The following SLC35F3 variants were observed in gnomAD, a reference collection of about 807,000 sequenced individuals.
The protein encoded by SLC35F3 is putative thiamine transporter SLC35F3.
SLC35F3 carries 25 observed loss-of-function variants against 49.9 expected under a neutral mutation model. The observed-to-expected ratio is 0.50, with a 90% confidence interval of 0.37 to 0.70. The LOEUF is 0.70. Among genes scored for constraint, SLC35F3 ranks in the 30% least tolerant of loss-of-function variants. The probability of loss-of-function intolerance (pLI) is 0.00; values close to 1 mark genes in which losing one functional copy is unlikely to be tolerated. For missense variants in SLC35F3, 525 were observed against 639.8 expected, an observed-to-expected ratio of 0.82 and a Z score of 1.94; for synonymous variants, 275 against 265.4, an observed-to-expected ratio of 1.04 and a Z score of -0.35.
At chr1:234,264,976 C>T (rs189181729) in intron 3 of SLC35F3, among the ~76,000 whole-genome samples, 72 of 152,294 alleles carry the variant, frequency 4.7e-4, no homozygotes, top group East Asian at 4.2e-3. Flanking sequence ...CTGGTTCCTC[C>T]GGCCTCCCTG....
At chr1:234,174,626 G>A (rs1666448455) in intron 2 of SLC35F3, among the ~76,000 whole-genome samples, 1 of 152,174 alleles carries the variant, frequency 6.6e-6, no homozygotes, top group Non-Finnish European at 1.5e-5. Context: ...ACTCCACTGC[G>A]TGTATATGTA....
intron 2 of SLC35F3, among the ~76,000 whole-genome samples, chr1:233,960,417 C>T (rs1024420220): frequency 2.6e-5 from 4 of 152,278 alleles, no homozygotes; most frequent in Non-Finnish European, 5.9e-5. Flanking sequence ...CAGGTAACCC[C>T]GTGTCAGTTT....
chr1:233,969,985 C>T (rs1662966596), intron 2 of SLC35F3, among the ~76,000 whole-genome samples: 1 of 152,236 alleles, frequency 6.6e-6, no homozygotes, highest in South Asian at 2.1e-4. Context: ...CCAATGACTT[C>T]TGCTCCTGCC....
intron 2 of SLC35F3, among the ~76,000 whole-genome samples, chr1:234,174,937 A>T (rs1666453400): frequency 6.6e-6 from 1 of 152,242 alleles, no homozygotes; most frequent in East Asian, 1.9e-4. Flanking sequence ...TCTGCATCCA[A>T]CAAAGAGTTC....
At chr1:234,200,244 T>C (rs1344544147) in intron 2 of SLC35F3, among the ~76,000 whole-genome samples, 4 of 152,228 alleles carry the variant, frequency 2.6e-5, no homozygotes, top group Non-Finnish European at 5.9e-5. Context: ...TAAGCATCTT[T>C]TCATGTGTTT....
At position 234,212,252 on chromosome 1, in the gene SLC35F3, C is replaced by T. The variant is rs187010437; in HGVS notation, c.284-19165C>T. ...TGTCATTGTGACTTGCCTAGTAGAACACGTGTGTAGAGGCCAATGTGAAGT... is the reference window on the plus strand; with the variant it reads ...TGTCATTGTGACTTGCCTAGTAGAATACGTGTGTAGAGGCCAATGTGAAGT... On this transcript the variant is annotated intron_variant, in intron 2 of 7. Transcript: ENST00000366618. 5.6e-4 allele frequency among the ~76,000 whole-genome samples: 86 copies of T among 152,306 alleles called. 1 individual carries two copies. The highest frequency in any genetic ancestry group is 5.1e-3 in the Admixed American group (78 of 15,300).
Position 233,968,355 on chromosome 1 carries a change from T to A in SLC35F3, c.283+62597T>A, listed in dbSNP as rs1021621269. Among the ~76,000 whole-genome samples the A allele has an allele frequency of 4.7e-4, 72 of 152,224 alleles. 1 individual carries two copies. The highest frequency in any genetic ancestry group is 2.9e-5 in the Non-Finnish European group (2 of 68,028). Reference sequence around the variant, plus strand: ...ATCTGAAATGACCCTATTTCTTTTTTTTTCCAACTTTTATTTTAGATTCAG... The same window carrying A: ...ATCTGAAATGACCCTATTTCTTTTTATTTCCAACTTTTATTTTAGATTCAG... On this transcript the variant is annotated intron_variant, in intron 2 of 7. Coordinates refer to ENST00000366618, the MANE Select transcript of SLC35F3 (RefSeq NM_173508.4).
chr1:234,188,093 T>C, intron 2 of SLC35F3, among the ~76,000 whole-genome samples: 1 of 152,044 alleles, frequency 6.6e-6, no homozygotes. Flanking sequence ...AAAAATTAGC[T>C]GGGCATGGTG....
intron 2 of SLC35F3, among the ~76,000 whole-genome samples, chr1:234,210,701 A>G (rs549772825): frequency 2.0e-5 from 3 of 152,368 alleles, no homozygotes; most frequent in Admixed American, 6.5e-5. Flanking sequence ...AAAGGCATTC[A>G]GTTTGAAAAG....
intron 2 of SLC35F3, among the ~76,000 whole-genome samples, chr1:234,113,967 G>A (rs1665446177): frequency 6.6e-6 from 1 of 152,226 alleles, no homozygotes; most frequent in South Asian, 2.1e-4. Flanking sequence ...TATGCAATGT[G>A]TGCTGGTAAG....
At chr1:234,245,983 G>A (rs761672902) in intron 3 of SLC35F3, among the ~76,000 whole-genome samples, 1 of 152,112 alleles carries the variant, frequency 6.6e-6, no homozygotes, top group Non-Finnish European at 1.5e-5. Flanking sequence ...GGGGGAGGGG[G>A]ACATCAACTT....
At position 233,982,096 on chromosome 1, in the gene SLC35F3, T is replaced by A. The variant is rs569697639; in HGVS notation, c.283+76338T>A. Among the ~76,000 whole-genome samples, 16 of 152,284 alleles carry A rather than the reference T, an allele frequency of 1.1e-4. No homozygotes were observed. In the South Asian group the frequency reaches 2.7e-3, roughly 26 times the overall value. On this transcript the variant is annotated intron_variant, in intron 2 of 7. Coordinates refer to ENST00000366618, the MANE Select transcript of SLC35F3 (RefSeq NM_173508.4). ...TGCCACCACGCCCAACTAATTTTTT[T>A]AAATTTTTAGTAGAGATGGGGTTTT...
intron 2 of SLC35F3, among the ~76,000 whole-genome samples, chr1:233,924,479 T>G (rs1315705880): frequency 6.6e-6 from 1 of 152,246 alleles, no homozygotes; most frequent in Non-Finnish European, 1.5e-5. Context: ...TTCTGTGGGA[T>G]CGGTGGTGAT....
In SLC35F3 at chr1:234,322,950, T is replaced by G. The variant is rs563040848; in HGVS notation, c.1238-58T>G. On this transcript the variant is annotated intron_variant, in intron 7 of 7. Coordinates refer to ENST00000366618, the MANE Select transcript of SLC35F3 (RefSeq NM_173508.4). ...GGGTGCCCCCAGGCCCTGCCCACTC[T>G]CCAGGGACATGCCCCCAACCCTGCA... The G allele has an allele frequency of 6.7e-6, 10 of 1,497,270 alleles. No homozygotes were observed. In the Admixed American group the frequency reaches 1.5e-4, roughly 23 times the overall value. 92.7% of individuals were successfully genotyped at this position (1,497,270 alleles called of 1,614,324 possible). A position where few individuals can be genotyped will look rare whatever the true frequency, so the allele number is the denominator to read the frequency against.
intron 2 of SLC35F3, among the ~76,000 whole-genome samples, chr1:233,922,328 G>T (rs1370306360): frequency 1.3e-5 from 2 of 151,892 alleles, no homozygotes; most frequent in Non-Finnish European, 1.5e-5. Flanking sequence ...TTTAATGATC[G>T]CCATTCTAAC....
chr1:234,263,047 T>C (rs1667929627), intron 3 of SLC35F3, among the ~76,000 whole-genome samples: 1 of 152,084 alleles, frequency 6.6e-6, no homozygotes, highest in South Asian at 2.1e-4. Context: ...GCTGATGGGA[T>C]CACACACATA....
intron 3 of SLC35F3, among the ~76,000 whole-genome samples, chr1:234,295,200 A>C (rs1391415414): frequency 6.6e-6 from 1 of 152,266 alleles, no homozygotes; most frequent in Non-Finnish European, 1.5e-5. Context: ...AGAAAGGCCA[A>C]GGACAGCAGG....
At chr1:233,992,658 T>G (rs1170978255) in intron 2 of SLC35F3, among the ~76,000 whole-genome samples, 2 of 152,196 alleles carry the variant, frequency 1.3e-5, no homozygotes, top group Admixed American at 1.3e-4. Context: ...GCCATCACAC[T>G]GGGGATCAAA....
rs113870703 is a variant in SLC35F3 at position 234,319,149 on chromosome 1, G to A, written c.1147+206G>A. On this transcript the variant is annotated intron_variant, in intron 6 of 7. Coordinates refer to ENST00000366618, the MANE Select transcript of SLC35F3 (RefSeq NM_173508.4). ...CAGAGCCAGAATCAGTGCAGTAGTCGCAGTGGTCACTGCTGCTCTGAATAA... is the reference window on the plus strand; with the variant it reads ...CAGAGCCAGAATCAGTGCAGTAGTCACAGTGGTCACTGCTGCTCTGAATAA... 2.5e-3 allele frequency among the ~76,000 whole-genome samples: 382 copies of A among 152,284 alleles called. 1 individual carries two copies. The highest frequency in any genetic ancestry group is 4.6e-3 in the Non-Finnish European group (314 of 68,036).
Sources: gnomAD v4.1 joint callset for allele counts (sites outside exome capture counted in the v4.1 genomes callset) on GRCh38, gnomAD v4.1.1 for gene constraint, MANE v1.5 for transcripts, NCBI Gene and HGNC (gene_info 2026-07-23, HGNC 2026-07-21) for gene names.